SLC9C1: variants seen among roughly 807,000 people sequenced by gnomAD.
SLC9C1 encodes the protein sodium/hydrogen exchanger 10.
In SLC9C1, 97 loss-of-function variants were observed where a neutral mutation model predicts 140.9. The ratio of observed to expected loss-of-function variants is 0.69; its 90% CI spans 0.58 to 0.82. The LOEUF (loss-of-function observed/expected upper bound fraction) is 0.82, where lower values mean the gene tolerates loss of function less well. SLC9C1 is among the 40% of genes least tolerant of loss of function. The pLI is 0.00. For synonymous variants in SLC9C1, 440 were observed against 442.6 expected, an observed-to-expected ratio of 0.99 and a Z score of 0.07; for missense variants, 1,340 against 1,389.3, an observed-to-expected ratio of 0.96 and a Z score of 0.56.
chr3:112,142,566 T>G (rs558490634), intron 28 of SLC9C1, among the ~76,000 whole-genome samples: 1 of 152,214 alleles, frequency 6.6e-6, no homozygotes, highest in South Asian at 2.1e-4. Context: ...CACCTCCTTG[T>G]ATTTCCTTCT....
chr3:112,155,795 C>T lies in SLC9C1; in HGVS notation c.3365-746G>A, dbSNP rs544433680. ...GAGCAGACGGTGAAGGGCCCAAAAC[C>T]ATGCCCTGTATATGCTTAATCATTT... is the stretch of plus-strand genomic sequence containing the variant. On this transcript the variant is annotated intron_variant, in intron 26 of 28. Transcript: ENST00000305815. Among the ~76,000 whole-genome samples the T allele has an allele frequency of 2.1e-3, 324 of 152,178 alleles. 1 individual carries two copies. Among genetic ancestry groups the T allele is most frequent in the African/African-American group, 7.3e-3 (302 of 41,532 alleles).
At chr3:112,161,464 G>T (rs946400402) in intron 26 of SLC9C1, among the ~76,000 whole-genome samples, 5 of 152,186 alleles carry the variant, frequency 3.3e-5, no homozygotes, top group Admixed American at 6.5e-5. Flanking sequence ...GTAAGGAAGG[G>T]ATCCAGTTTC....
intron 16 of SLC9C1, 61 bp downstream of exon 16, chr3:112,208,117 G>A (rs2078106691): frequency 7.6e-7 from 1 of 1,313,218 alleles, no homozygotes. Flanking sequence ...TGAAAAACAA[G>A]GCTAGGAAAT....
At chr3:112,200,646 C>G (rs2077882889) in intron 19 of SLC9C1, 65 bp downstream of exon 19, 2 of 1,455,990 alleles carry the variant, frequency 1.4e-6, no homozygotes, top group South Asian at 2.4e-5. Flanking sequence ...GTTATGAAAA[C>G]CATTGCCTTT....
At chr3:112,286,939 A>G in intron 1 of SLC9C1, 61 bp from the exon 2 acceptor site, 1 of 526,384 alleles carries the variant, frequency 1.9e-6, no homozygotes, top group East Asian at 3.3e-5. Context: ...AAAAGAAAAA[A>G]AGCCCTATTC....
intron 23 of SLC9C1, 143 bp downstream of exon 23, chr3:112,179,388 G>A: frequency 1.1e-6 from 1 of 875,348 alleles, no homozygotes; most frequent in Non-Finnish European, 1.6e-6. Context: ...GTGTAATTCG[G>A]CAAGTTTTGT....
At position 112,244,032 on chromosome 3, in the gene SLC9C1, G is replaced by A. The variant is rs1425116561; in HGVS notation, c.1242C>T (p.Val414=). The change falls in exon 11 of 29, where the codon GTC becomes GTT. Residue 414 remains valine, a synonymous_variant. Transcript: ENST00000305815. ...GVLVCLITLV[V]NRFILPVAVT... ...CTGCCACTGGCAAAATAAATCTATT[G>A]ACAACAAGGGTTATTAGGCATACTA... 1.9e-6 allele frequency: 3 copies of A among 1,605,338 alleles called. No homozygotes were observed. The highest frequency in any genetic ancestry group is 2.7e-5 in the African/African-American group (2 of 74,420).
chr3:112,281,426 G>A (rs1443777644), intron 2 of SLC9C1, among the ~76,000 whole-genome samples: 1 of 152,174 alleles, frequency 6.6e-6, no homozygotes, highest in East Asian at 1.9e-4. Context: ...AGATAATGGG[G>A]AAGCTCTTGG....
At chr3:112,160,714 A>C (rs374690225) in intron 26 of SLC9C1, among the ~76,000 whole-genome samples, 3 of 151,024 alleles carry the variant, frequency 2.0e-5, no homozygotes, top group Admixed American at 1.3e-4. Flanking sequence ...ATTGTGAATA[A>C]TGCCGCAATA....
At chr3:112,292,525 C>T (rs1343432742) in intron 1 of SLC9C1, among the ~76,000 whole-genome samples, 1 of 152,038 alleles carries the variant, frequency 6.6e-6, no homozygotes, top group African/African-American at 2.4e-5. Context: ...AAGGAAATAG[C>T]TATGAGAATA....
intron 20 of SLC9C1, among the ~76,000 whole-genome samples, chr3:112,187,882 A>G (rs1468989268): frequency 6.6e-6 from 1 of 152,052 alleles, no homozygotes; most frequent in Non-Finnish European, 1.5e-5. Context: ...TATATACAAA[A>G]TCTTATAATT....
chr3:112,143,673 T>C (rs2074697529), intron 28 of SLC9C1, among the ~76,000 whole-genome samples: 1 of 152,222 alleles, frequency 6.6e-6, no homozygotes, highest in Non-Finnish European at 1.5e-5. Context: ...TTTTCTCCCA[T>C]ACTGTAGGTT....
At chr3:112,292,128 A>G (rs924378383) in intron 1 of SLC9C1, among the ~76,000 whole-genome samples, 5 of 152,184 alleles carry the variant, frequency 3.3e-5, no homozygotes, top group African/African-American at 1.2e-4. Context: ...AGATGGTGGG[A>G]GGAGAGAGAG....
chr3:112,240,500 A>G (rs147133338), intron 11 of SLC9C1, among the ~76,000 whole-genome samples: 141 of 152,324 alleles, frequency 9.3e-4, no homozygotes, highest in Middle Eastern at 3.4e-3. Context: ...GTCTTTCCCA[A>G]TGTGGGTGGG....
At chr3:112,290,124 T>C (rs2080635070) in intron 1 of SLC9C1, among the ~76,000 whole-genome samples, 1 of 152,218 alleles carries the variant, frequency 6.6e-6, no homozygotes, top group African/African-American at 2.4e-5. Context: ...GAGAAAAATA[T>C]TGTCAATGTC....
intron 10 of SLC9C1, among the ~76,000 whole-genome samples, chr3:112,254,749 C>A (rs2079556493): frequency 6.6e-6 from 1 of 152,042 alleles, no homozygotes. Context: ...TCAATAATAA[C>A]CTTGACTATA....
intron 13 of SLC9C1, among the ~76,000 whole-genome samples, chr3:112,225,057 A>G (rs1406011374): frequency 6.6e-6 from 1 of 152,174 alleles, no homozygotes; most frequent in Non-Finnish European, 1.5e-5. Flanking sequence ...CAAAAGATTC[A>G]ACCTAAAAAA....
intron 1 of SLC9C1, among the ~76,000 whole-genome samples, chr3:112,287,968 G>A (rs1482568954): frequency 2.0e-5 from 3 of 151,004 alleles, no homozygotes; most frequent in Admixed American, 2.0e-4. Context: ...GCGTGAACCG[G>A]GGAGGCGGAG....
At chr3:112,291,551 CA>C (rs1484568587) in intron 1 of SLC9C1, among the ~76,000 whole-genome samples, 1 of 152,008 alleles carries the variant, frequency 6.6e-6, no homozygotes, top group Non-Finnish European at 1.5e-5. Flanking sequence ...AAATGCAAAT[CA>C]AAACCACAAG....
Sources: allele counts gnomAD v4.1 joint callset (sites outside exome capture counted in the v4.1 genomes callset), GRCh38; gene constraint gnomAD v4.1.1; transcripts MANE v1.5; gene names NCBI Gene and HGNC (gene_info 2026-07-23, HGNC 2026-07-21).